GPC6: variants seen among roughly 807,000 people sequenced by gnomAD.
The protein encoded by GPC6 is glypican-6.
Under a neutral mutation model 55.2 loss-of-function variants are expected in GPC6, and 14 were observed. The observed-to-expected ratio is 0.25, with a 90% CI of 0.17 to 0.40. The LOEUF (loss-of-function observed/expected upper bound fraction) is 0.40, where lower values mean the gene tolerates loss of function less well. Among genes scored for constraint, GPC6 ranks in the 10% least tolerant of loss-of-function variants. The pLI is 1.00. For missense variants in GPC6, 641 were observed against 708.5 expected (o/e 0.90, Z 1.08); for synonymous variants, 278 against 259.6 (o/e 1.07, Z -0.68).
chr13:93,901,909 A>C (rs1231430849), intron 3 of GPC6, among the ~76,000 whole-genome samples: 2 of 151,942 alleles, frequency 1.3e-5, no homozygotes, highest in Admixed American at 6.6e-5. Flanking sequence ...AAAAAAAAAA[A>C]AAAAAAAAAC....
intron 2 of GPC6, among the ~76,000 whole-genome samples, chr13:93,581,715 AG>A (rs1876944899): frequency 6.6e-6 from 1 of 152,190 alleles, no homozygotes; most frequent in African/African-American, 2.4e-5. Flanking sequence ...AAAGAAAAAA[AG>A]AAAATCTCAG....
At chr13:93,715,601 A>G (rs916568074) in intron 2 of GPC6, among the ~76,000 whole-genome samples, 4 of 151,612 alleles carry the variant, frequency 2.6e-5, no homozygotes, top group Non-Finnish European at 5.9e-5. Context: ...ACTTATACAT[A>G]TATCCTCTGA....
At chr13:93,563,096 C>A (rs1875894569) in intron 2 of GPC6, among the ~76,000 whole-genome samples, 1 of 152,196 alleles carries the variant, frequency 6.6e-6, no homozygotes, top group South Asian at 2.1e-4. Flanking sequence ...TTCCTGGAGT[C>A]TCTAGTGGGT....
intron 6 of GPC6, among the ~76,000 whole-genome samples, chr13:94,367,790 T>A (rs2389092): frequency 0.43 from 65,217 of 151,970 alleles, 14,119 homozygotes; most frequent in East Asian, 0.55. Context: ...CCTACTTTTT[T>A]AAAATTTTTA....
At chr13:94,165,459 T>G (rs866511109) in intron 4 of GPC6, among the ~76,000 whole-genome samples, 13 of 151,942 alleles carry the variant, frequency 8.6e-5, no homozygotes, top group Middle Eastern at 3.4e-3. Flanking sequence ...TGCAAAAGCA[T>G]AAGAATGACA....
intron 2 of GPC6, among the ~76,000 whole-genome samples, chr13:93,681,450 C>G (rs1188899861): frequency 1.3e-5 from 2 of 151,966 alleles, no homozygotes; most frequent in African/African-American, 4.8e-5. Flanking sequence ...GCTTAGCAAA[C>G]TGATTAAGGA....
At chr13:93,606,004 T>G (rs980743289) in intron 2 of GPC6, among the ~76,000 whole-genome samples, 1 of 152,106 alleles carries the variant, frequency 6.6e-6, no homozygotes, top group Non-Finnish European at 1.5e-5. Flanking sequence ...ATACATAGAT[T>G]GATGGAAATA....
At chr13:93,795,043 C>A (rs796654631) in intron 2 of GPC6, among the ~76,000 whole-genome samples, 1 of 152,036 alleles carries the variant, frequency 6.6e-6, no homozygotes, top group South Asian at 2.1e-4. Flanking sequence ...TCTAGTTGAA[C>A]CAAACTGTTA....
At chr13:93,412,487 T>A (rs1876543249) in intron 1 of GPC6, among the ~76,000 whole-genome samples, 1 of 152,050 alleles carries the variant, frequency 6.6e-6, no homozygotes, top group Admixed American at 6.6e-5. Flanking sequence ...GAAACCCCTG[T>A]CTCTACTAAA....
intron 3 of GPC6, among the ~76,000 whole-genome samples, chr13:93,900,925 G>A (rs1356494513): frequency 6.6e-6 from 1 of 152,144 alleles, no homozygotes; most frequent in Non-Finnish European, 1.5e-5. Flanking sequence ...GTATGACACA[G>A]TTGTTTTCTG....
At chr13:93,353,851 C>T (rs2139167469) in intron 1 of GPC6, among the ~76,000 whole-genome samples, 1 of 152,278 alleles carries the variant, frequency 6.6e-6, no homozygotes, top group South Asian at 2.1e-4. Context: ...TTTCACTTTC[C>T]CTGCTGTACT....
intron 4 of GPC6, among the ~76,000 whole-genome samples, chr13:94,123,205 A>G (rs1886696921): frequency 6.6e-6 from 1 of 152,072 alleles, no homozygotes; most frequent in African/African-American, 2.4e-5. Context: ...CGTTACAGAA[A>G]TATGCTTTAA....
At chr13:94,195,277 C>G (rs1440551535) in intron 4 of GPC6, among the ~76,000 whole-genome samples, 2 of 152,146 alleles carry the variant, frequency 1.3e-5, no homozygotes, top group Non-Finnish European at 2.9e-5. Flanking sequence ...GACCTTTCCC[C>G]TTAACCAACC....
chr13:94,377,461 G>A (rs1423358562), intron 6 of GPC6, among the ~76,000 whole-genome samples: 3 of 147,064 alleles, frequency 2.0e-5, no homozygotes, highest in Non-Finnish European at 4.5e-5. Flanking sequence ...ATCATCACTG[G>A]CCATCAGAGA....
At chr13:93,976,265 G>A (rs374646535) in intron 3 of GPC6, among the ~76,000 whole-genome samples, 25 of 151,998 alleles carry the variant, frequency 1.6e-4, no homozygotes, top group African/African-American at 5.6e-4. Context: ...TTTTAATGCT[G>A]TTCATATGAA....
In GPC6 at chr13:93,321,191, T is replaced by C. The variant is rs903379993; in HGVS notation, c.160+93575T>C. Among the ~76,000 whole-genome samples the C allele has an allele frequency of 3.3e-5, 5 of 152,142 alleles. No individual in the cohort carries two copies. The East Asian group carries it at 9.7e-4, about 29-fold the overall frequency. ...TTACTCAGAATTGCATCACGTTAGT[T>C]TGCTAATTTCCCATCTTTAAGGATT... On this transcript the variant is annotated intron_variant, in intron 1 of 8. Coordinates refer to ENST00000377047, the MANE Select transcript of GPC6 (RefSeq NM_005708.5).
At position 93,446,233 on chromosome 13, in the gene GPC6, G is replaced by C. The variant is rs76946786; in HGVS notation, c.161-99030G>C. 1.0e-3 allele frequency among the ~76,000 whole-genome samples: 154 copies of C among 152,210 alleles called. 3 individuals are homozygous for C. In the East Asian group the frequency reaches 0.029, roughly 29 times the overall value. On this transcript the variant is annotated intron_variant, in intron 1 of 8. Coordinates refer to ENST00000377047, the MANE Select transcript of GPC6 (RefSeq NM_005708.5). Reference sequence around the variant, plus strand: ...TGGAATGCATTCCATCCTAGCTCCTGCAAGCTCCTTTCACTCAAAAGTGCT... The same window carrying C: ...TGGAATGCATTCCATCCTAGCTCCTCCAAGCTCCTTTCACTCAAAAGTGCT...
intron 4 of GPC6, among the ~76,000 whole-genome samples, chr13:94,148,088 A>G (rs948897188): frequency 7.9e-5 from 12 of 152,190 alleles, no homozygotes; most frequent in African/African-American, 1.2e-4. Context: ...GAGCCCAGCA[A>G]TCTCTCAGAG....
At chr13:93,759,695 C>T (rs1480809738) in intron 2 of GPC6, among the ~76,000 whole-genome samples, 1 of 151,998 alleles carries the variant, frequency 6.6e-6, no homozygotes, top group Admixed American at 6.6e-5. Flanking sequence ...TCAGAATTTC[C>T]TCCTATTAAA....
Sources: gnomAD v4.1 joint callset for allele counts (sites outside exome capture counted in the v4.1 genomes callset) on GRCh38, gnomAD v4.1.1 for gene constraint, MANE v1.5 for transcripts, NCBI Gene and HGNC (gene_info 2026-07-23, HGNC 2026-07-21) for gene names.